EIF3E: variants seen among roughly 807,000 people sequenced by gnomAD.
The protein encoded by EIF3E is eukaryotic translation initiation factor 3 subunit E.
EIF3E carries 25 observed loss-of-function variants against 59.3 expected under a neutral mutation model. The ratio of observed to expected loss-of-function variants is 0.42; its 90% CI spans 0.31 to 0.59. The LOEUF (loss-of-function observed/expected upper bound fraction) is 0.59, where lower values mean the gene tolerates loss of function less well. Among genes scored for constraint, EIF3E ranks in the 20% least tolerant of loss-of-function variants. The pLI, the probability that EIF3E is intolerant of heterozygous loss-of-function variation, is 0.15. For synonymous variants in EIF3E, 176 were observed against 170.2 expected (o/e 1.03, Z -0.26); for missense variants, 317 against 534.3 (o/e 0.59, Z 4.01).
intron 7 of EIF3E, among the ~76,000 whole-genome samples, chr8:108,219,006 G>A (rs966219667): frequency 6.6e-6 from 1 of 151,950 alleles, no homozygotes; most frequent in Admixed American, 6.5e-5. Flanking sequence ...GGCTGGTCTC[G>A]AACTGCTGAG....
chr8:108,239,844 A>G, intron 3 of EIF3E, 114 bp downstream of exon 3: 2 of 793,124 alleles, frequency 2.5e-6, no homozygotes, highest in Non-Finnish European at 2.1e-6. Context: ...AAATGAATAA[A>G]GCACTCATTT....
intron 1 of EIF3E, among the ~76,000 whole-genome samples, chr8:108,245,099 C>T (rs1815921372): frequency 6.6e-6 from 1 of 151,774 alleles, no homozygotes; most frequent in African/African-American, 2.4e-5. Flanking sequence ...CAGTCCTTAC[C>T]TTACTCCTCA....
chr8:108,248,475 G>A (rs1815992097), intron 1 of EIF3E, 138 bp downstream of exon 1: 1 of 755,496 alleles, frequency 1.3e-6, no homozygotes, highest in Non-Finnish European at 2.2e-6. Context: ...ACTACCAGAA[G>A]ATCCTTAGTG....
intron 8 of EIF3E, among the ~76,000 whole-genome samples, chr8:108,216,899 C>T (rs189679331): frequency 7.8e-4 from 119 of 152,210 alleles, no homozygotes; most frequent in South Asian, 2.3e-3. Flanking sequence ...TTCTAATCTA[C>T]GGGTTTTGCT....
intron 3 of EIF3E, among the ~76,000 whole-genome samples, chr8:108,238,277 C>T (rs892924820): frequency 5.9e-5 from 9 of 152,058 alleles, no homozygotes; most frequent in African/African-American, 1.9e-4. Flanking sequence ...TGTGTTTTCC[C>T]GCATATAGTC....
chr8:108,227,514 C>T (rs1232071412), intron 7 of EIF3E: 2 of 151,970 alleles, frequency 1.3e-5, no homozygotes, highest in African/African-American at 4.8e-5. Flanking sequence ...AATAAAATTT[C>T]AATTATGAAC....
chr8:108,248,128 T>C (rs1321406241), intron 1 of EIF3E, among the ~76,000 whole-genome samples: 1 of 151,878 alleles, frequency 6.6e-6, no homozygotes, highest in African/African-American at 2.4e-5. Context: ...CACAACTTCA[T>C]GGAAATTAAA....
Position 108,212,867 on chromosome 8 carries a change from T to C in EIF3E, c.1061+1740A>G, listed in dbSNP as rs117179269. 8.4e-5 allele frequency among the ~76,000 whole-genome samples: 11 copies of C among 130,844 alleles called. No individual in the cohort carries two copies. In the East Asian group the frequency reaches 2.8e-3, roughly 33 times the overall value. The allele number at this position is 130,844 out of a possible 152,430, so 85.8% of individuals were successfully genotyped here. A position where few individuals can be genotyped will look rare whatever the true frequency, so the allele number is the denominator to read the frequency against. ...ATCTATGTACTCTTAATCATCTTAG[T>C]AAAACATTGAAAAAAAAATTGAAGA... On this transcript the variant is annotated intron_variant, in intron 10 of 12. Transcript: ENST00000220849.
At chr8:108,232,494 C>A (rs548263981) in intron 5 of EIF3E, among the ~76,000 whole-genome samples, 1 of 152,096 alleles carries the variant, frequency 6.6e-6, no homozygotes, top group South Asian at 2.1e-4. Context: ...TTTTTTAAGA[C>A]CGGGAATTAA....
chr8:108,234,878 C>CA (rs1305060183), intron 5 of EIF3E, 120 bp downstream of exon 5: 1 of 492,110 alleles, frequency 2.0e-6, no homozygotes, highest in Non-Finnish European at 3.3e-6. Context: ...TCTCTTTTGC[C>CA]AATGACTGTT....
chr8:108,240,806 C>A (rs1351897662), intron 2 of EIF3E, among the ~76,000 whole-genome samples: 1 of 152,014 alleles, frequency 6.6e-6, no homozygotes, highest in Non-Finnish European at 1.5e-5. Context: ...ATGGTGAAAC[C>A]CCGTCTCTAC....
intron 5 of EIF3E, among the ~76,000 whole-genome samples, chr8:108,230,008 A>C (rs1423975968): frequency 6.6e-6 from 1 of 152,080 alleles, no homozygotes; most frequent in African/African-American, 2.4e-5. Flanking sequence ...GCAAAGCTGG[A>C]CTCCCTCAAA....
At chr8:108,238,006 G>A (rs538716778) in intron 3 of EIF3E, among the ~76,000 whole-genome samples, 3 of 152,218 alleles carry the variant, frequency 2.0e-5, no homozygotes, top group African/African-American at 7.2e-5. Context: ...TAAGCTACAA[G>A]GATCCTCTTT....
chr8:108,236,630 T>C (rs1288177538), intron 3 of EIF3E, among the ~76,000 whole-genome samples: 1 of 152,242 alleles, frequency 6.6e-6, no homozygotes, highest in Admixed American at 6.5e-5. Context: ...AAATGTACCA[T>C]GTACAAACTA....
intron 12 of EIF3E, among the ~76,000 whole-genome samples, chr8:108,202,187 A>G (rs962538203): frequency 1.3e-5 from 2 of 152,102 alleles, no homozygotes; most frequent in East Asian, 3.8e-4. Context: ...TAAATGATAC[A>G]AATTAATCCT....
rs1053771167 is a variant in EIF3E, at chr8:108,242,648, T to C, written c.91-735A>G. 4.4e-6 allele frequency: 5 copies of C among 1,148,424 alleles called. No individual in the cohort carries two copies. In the East Asian group the frequency reaches 2.4e-4, roughly 56 times the overall value. 71.1% of individuals were successfully genotyped at this position (1,148,424 alleles called of 1,614,324 possible). ...AAGATGAAGGTGGTCAAAGGGTATT[T>C]AGCCATGAGAGCAAAATCGAACCTT... On this transcript the variant is annotated intron_variant, in intron 1 of 12. Coordinates refer to ENST00000220849, the MANE Select transcript of EIF3E (RefSeq NM_001568.3).
intron 7 of EIF3E, among the ~76,000 whole-genome samples, chr8:108,223,405 C>T (rs1477156988): frequency 1.3e-5 from 2 of 151,774 alleles, no homozygotes; most frequent in Admixed American, 6.6e-5. Flanking sequence ...ACTATCTGCA[C>T]GACAAAGAGT....
intron 10 of EIF3E, among the ~76,000 whole-genome samples, chr8:108,206,677 C>T (rs919138307): frequency 4.6e-5 from 7 of 151,978 alleles, no homozygotes; most frequent in Non-Finnish European, 1.0e-4. Context: ...GTGGCCTGCA[C>T]CTATAGTCCC....
chr8:108,208,741 T>C (rs896300367), intron 10 of EIF3E, among the ~76,000 whole-genome samples: 1 of 152,092 alleles, frequency 6.6e-6, no homozygotes, highest in Non-Finnish European at 1.5e-5. Flanking sequence ...ATTATACTAA[T>C]GTATGCTCCA....
Sources: gnomAD v4.1 joint callset for allele counts (sites outside exome capture counted in the v4.1 genomes callset) on GRCh38, gnomAD v4.1.1 for gene constraint, MANE v1.5 for transcripts, NCBI Gene and HGNC (gene_info 2026-07-23, HGNC 2026-07-21) for gene names.